PDE1C: variants seen among roughly 807,000 people sequenced by gnomAD.
The protein encoded by PDE1C is dual specificity calcium/calmodulin-dependent 3',5'-cyclic nucleotide phosphodiesterase 1C.
In PDE1C, 62 loss-of-function variants were observed where a neutral mutation model predicts 93.1. The observed-to-expected ratio is 0.67, with a 90% confidence interval of 0.54 to 0.82. The LOEUF (loss-of-function observed/expected upper bound fraction) is 0.82, where lower values mean the gene tolerates loss of function less well. Among genes scored for constraint, PDE1C ranks in the 40% least tolerant of loss-of-function variants. PDE1C has a pLI of 0.00. For missense variants in PDE1C, 742 were observed against 884.6 expected (o/e 0.84, Z 2.04); for synonymous variants, 325 against 310.1 (o/e 1.05, Z -0.50).
At chr7:32,368,935 T>G (rs1043505313) in intron 1 of PDE1C, among the ~76,000 whole-genome samples, 3 of 152,128 alleles carry the variant, frequency 2.0e-5, no homozygotes, top group African/African-American at 7.2e-5. Flanking sequence ...GGAAACTGGC[T>G]ATCTATATGC....
At chr7:31,924,074 G>C (rs1803018425) in intron 2 of PDE1C, among the ~76,000 whole-genome samples, 1 of 152,126 alleles carries the variant, frequency 6.6e-6, no homozygotes, top group Non-Finnish European at 1.5e-5. Flanking sequence ...ATTTTGGCTA[G>C]CACTGTTCAT....
At chr7:32,251,668 AG>A (rs1489321627) in intron 1 of PDE1C, among the ~76,000 whole-genome samples, 1 of 152,172 alleles carries the variant, frequency 6.6e-6, no homozygotes, top group Non-Finnish European at 1.5e-5. Flanking sequence ...GGCTCAGAGG[AG>A]AATAATACAC....
intron 2 of PDE1C, among the ~76,000 whole-genome samples, chr7:31,931,401 A>G (rs1804231887): frequency 6.6e-6 from 1 of 152,278 alleles, no homozygotes; most frequent in African/African-American, 2.4e-5. Flanking sequence ...CTCAGGAAAC[A>G]ACATCAATGT....
rs149946243 is a variant in PDE1C at position 32,115,521 on chromosome 7, G to A, written c.308+54264C>T. Among the ~76,000 whole-genome samples the A allele has an allele frequency of 1.2e-4, 19 of 152,064 alleles. No homozygotes were observed. The East Asian group carries it at 1.4e-3, about 11-fold the overall frequency. ...TCAAGACAAATAGCTAATGCATGCG[G>A]GCCTTAAAACCTAGATGACTGATTA... is the stretch of plus-strand genomic sequence containing the variant. On this transcript the variant is annotated intron_variant, in intron 3 of 18. Transcript: ENST00000396193.
chr7:31,985,878 G>GT (rs933300747), intron 2 of PDE1C, among the ~76,000 whole-genome samples: 1 of 152,092 alleles, frequency 6.6e-6, no homozygotes, highest in Non-Finnish European at 1.5e-5. Flanking sequence ...CCACAATAAT[G>GT]TTTTTTAAAA....
In PDE1C at chr7:32,212,357, C is replaced by T. The variant is rs567151934; in HGVS notation, c.86-2818G>A. Reference sequence around the variant, plus strand: ...GAATTGCTGACCCAGATCCAAGTCACGCCAGGAAAGGCAAGAATCAGGATC... The same window carrying T: ...GAATTGCTGACCCAGATCCAAGTCATGCCAGGAAAGGCAAGAATCAGGATC... On this transcript the variant is annotated intron_variant, in intron 1 of 18. Transcript: ENST00000396193. Among the ~76,000 whole-genome samples the T allele has an allele frequency of 1.6e-4, 24 of 152,286 alleles. No homozygotes were observed. The East Asian group carries it at 2.3e-3, about 15-fold the overall frequency.
At chr7:32,408,086 T>C (rs547716873) in intron 1 of PDE1C, among the ~76,000 whole-genome samples, 2 of 152,116 alleles carry the variant, frequency 1.3e-5, no homozygotes, top group African/African-American at 2.4e-5. Context: ...GTAAGAAGAA[T>C]GTTCAGGGTT....
At chr7:31,659,168 A>T in the PDE1C span, among the ~76,000 whole-genome samples, 2 of 152,188 alleles carry the variant, frequency 1.3e-5, no homozygotes, top group African/African-American at 4.8e-5. Flanking sequence ...TATATTTTTT[A>T]AAGTCACTTG....
intron 2 of PDE1C, among the ~76,000 whole-genome samples, chr7:31,903,174 T>G (rs1800192174): frequency 6.6e-6 from 1 of 151,868 alleles, no homozygotes; most frequent in East Asian, 1.9e-4. Context: ...ATGAAAATAT[T>G]AAAATATTTT....
the PDE1C span, among the ~76,000 whole-genome samples, chr7:31,671,992 G>A: frequency 6.6e-6 from 1 of 152,196 alleles, no homozygotes; most frequent in Admixed American, 6.5e-5. Flanking sequence ...AGGCTTCGAT[G>A]ATTGATTCCT....
At chr7:32,142,553 AG>A (rs1800601749) in intron 3 of PDE1C, among the ~76,000 whole-genome samples, 1 of 152,198 alleles carries the variant, frequency 6.6e-6, no homozygotes, top group Non-Finnish European at 1.5e-5. Flanking sequence ...GCTTTTAGAC[AG>A]GGACACTATC....
chr7:31,975,405 T>G (rs1315723461), intron 2 of PDE1C, among the ~76,000 whole-genome samples: 1 of 152,150 alleles, frequency 6.6e-6, no homozygotes, highest in East Asian at 1.9e-4. Flanking sequence ...CACCAATCCC[T>G]TCCTCTCAGA....
chr7:32,344,193 C>A (rs1783808886), intron 1 of PDE1C, among the ~76,000 whole-genome samples: 1 of 152,156 alleles, frequency 6.6e-6, no homozygotes, highest in South Asian at 2.1e-4. Flanking sequence ...TCTGCTTCAG[C>A]CTCCCAAGTA....
the PDE1C span, among the ~76,000 whole-genome samples, chr7:31,681,023 C>T: frequency 2.9e-4 from 44 of 152,316 alleles, no homozygotes; most frequent in Admixed American, 9.1e-4. Context: ...AGCCACTTAA[C>T]GTGATTCACT....
At position 32,019,387 on chromosome 7, in the gene PDE1C, G is replaced by A. The variant is rs370542356; in HGVS notation, c.128+32167C>T. On this transcript the variant is annotated intron_variant, in intron 2 of 17. Transcript: ENST00000396191. ...TGAGAAGTTAAAACACATACAATAT[G>A]GTTGGTGCACACAGTGTTCACTGTG... Among the ~76,000 whole-genome samples, 15 of 152,226 alleles carry A rather than the reference G, an allele frequency of 9.9e-5. 3 individuals carry two copies. Among genetic ancestry groups the A allele is most frequent in the Admixed American group, 6.5e-5 (1 of 15,270 alleles).
chr7:31,733,374 T>C, the PDE1C span, among the ~76,000 whole-genome samples: 7 of 152,196 alleles, frequency 4.6e-5, no homozygotes, highest in African/African-American at 1.2e-4. Context: ...GTGGTGGTAA[T>C]TGGGATTCCT....
intron 3 of PDE1C, among the ~76,000 whole-genome samples, chr7:32,114,920 T>C (rs1248716917): frequency 1.3e-5 from 2 of 152,138 alleles, no homozygotes; most frequent in Non-Finnish European, 2.9e-5. Flanking sequence ...TGAGATATCA[T>C]CTCATGCCAG....
intron 16 of PDE1C, among the ~76,000 whole-genome samples, chr7:31,794,209 T>C (rs1584117285): frequency 6.6e-6 from 1 of 152,048 alleles, no homozygotes; most frequent in South Asian, 2.1e-4. Flanking sequence ...CATTAACTCC[T>C]AAAATTTACC....
the PDE1C span, among the ~76,000 whole-genome samples, chr7:31,681,370 CGG>C: frequency 5.7e-5 from 3 of 52,602 alleles, no homozygotes; most frequent in Non-Finnish European, 1.4e-4. Context: ...GATGGATGGA[CGG>C]ATGGATGGAT....
Sources: gnomAD v4.1 joint callset for allele counts (sites outside exome capture counted in the v4.1 genomes callset) on GRCh38, gnomAD v4.1.1 for gene constraint, MANE v1.5 for transcripts, NCBI Gene and HGNC (gene_info 2026-07-23, HGNC 2026-07-21) for gene names.